GAB2: variants seen among roughly 807,000 people sequenced by gnomAD.
GAB2 encodes GRB2-associated-binding protein 2.
Under a neutral mutation model 65.5 loss-of-function variants are expected in GAB2, and 26 were observed. That is an observed-to-expected ratio of 0.40 (90% confidence interval 0.29 to 0.55). The LOEUF (loss-of-function observed/expected upper bound fraction) is 0.55, where lower values mean the gene tolerates loss of function less well. Among genes scored for constraint, GAB2 ranks in the 20% least tolerant of loss-of-function variants. GAB2 has a pLI of 0.53. For synonymous variants in GAB2, 321 were observed against 329.6 expected (o/e 0.97, Z 0.28); for missense variants, 884 against 875.8 (o/e 1.01, Z -0.12).
chr11:78,292,517 TCAAA>T (rs1199200807), intron 1 of GAB2, among the ~76,000 whole-genome samples: 1 of 152,188 alleles, frequency 6.6e-6, no homozygotes, highest in Non-Finnish European at 1.5e-5. Flanking sequence ...GAGTTCTAGC[TCAAA>T]CAAACACAAA....
chr11:78,394,205 G>A (rs1046324118), intron 1 of GAB2, among the ~76,000 whole-genome samples: 8 of 152,126 alleles, frequency 5.3e-5, no homozygotes, highest in East Asian at 3.9e-4. Context: ...GGAGAATGGC[G>A]TGAACCCAGG....
chr11:78,362,979 G>A (rs891761994), intron 1 of GAB2, among the ~76,000 whole-genome samples: 2 of 152,054 alleles, frequency 1.3e-5, no homozygotes, highest in Non-Finnish European at 2.9e-5. Context: ...AGCAAGAATT[G>A]CCATTACTAT....
At chr11:78,405,680 TAAG>T (rs1423042873) in intron 1 of GAB2, among the ~76,000 whole-genome samples, 2 of 152,162 alleles carry the variant, frequency 1.3e-5, no homozygotes, top group African/African-American at 4.8e-5. Context: ...AAAACAAGCT[TAAG>T]AAGAATCTAA....
intron 2 of GAB2, among the ~76,000 whole-genome samples, chr11:78,278,901 G>A (rs76904930): frequency 8.6e-5 from 13 of 151,858 alleles, no homozygotes; most frequent in Admixed American, 2.0e-4. Context: ...ATTTTTTATC[G>A]AAATAAAAAT....
chr11:78,383,610 T>TAAAAAAAAA (rs1591078402), intron 1 of GAB2, among the ~76,000 whole-genome samples: 1 of 116,894 alleles, frequency 8.6e-6, no homozygotes, highest in East Asian at 3.3e-4. Context: ...ATACAAAAAT[T>TAAAAAAAAA]AGCCAGGTGT....
rs1251434870 is a variant in GAB2, at chr11:78,221,686, A to G, written c.1752T>C (p.Tyr584=). 6.2e-7 allele frequency: 1 copy of G among 1,609,742 alleles called. No homozygotes were observed. The highest frequency in any genetic ancestry group is 8.5e-7 in the Non-Finnish European group (1 of 1,176,150). The change falls in exon 8 of 10, where the codon TAT becomes TAC. Residue 584 remains tyrosine (Y), a synonymous_variant. Transcript: ENST00000361507. ...AGCCCGAAGGACTCACCATAGGGAC[A>G]TAGTTCTCTTCGCTGTCTCCTGAGT... The part of the protein sequence containing the change: ...STDSGDSEEN[Y]VPMQNPVSAS...
At chr11:78,340,114 CTGA>C (rs1856068405) in intron 1 of GAB2, among the ~76,000 whole-genome samples, 1 of 152,180 alleles carries the variant, frequency 6.6e-6, no homozygotes. Flanking sequence ...GCTTACCAGA[CTGA>C]TGTCATTCTG....
At chr11:78,410,406 A>G (rs1857111958) in intron 1 of GAB2, among the ~76,000 whole-genome samples, 1 of 152,260 alleles carries the variant, frequency 6.6e-6, no homozygotes, top group Non-Finnish European at 1.5e-5. Flanking sequence ...CGGGAGGCTG[A>G]GGCAGGAGAA....
chr11:78,361,791 A>C (rs1424644398), intron 1 of GAB2, among the ~76,000 whole-genome samples: 1 of 152,198 alleles, frequency 6.6e-6, no homozygotes, highest in East Asian at 1.9e-4. Context: ...CTGGAGAGCA[A>C]TGTGGCAAAA....
chr11:78,382,179 C>T (rs2134739663), intron 1 of GAB2, among the ~76,000 whole-genome samples: 1 of 152,270 alleles, frequency 6.6e-6, no homozygotes, highest in East Asian at 1.9e-4. Context: ...TCTGTGCTCT[C>T]ATGGCACTTT....
chr11:78,294,723 T>G (rs1380573640), intron 1 of GAB2, among the ~76,000 whole-genome samples: 2 of 152,144 alleles, frequency 1.3e-5, no homozygotes, highest in Non-Finnish European at 2.9e-5. Context: ...CCTTACACCT[T>G]ATACAAAAAT....
chr11:78,224,531 C>A (rs1864564727), intron 5 of GAB2, among the ~76,000 whole-genome samples: 1 of 152,224 alleles, frequency 6.6e-6, no homozygotes, highest in Non-Finnish European at 1.5e-5. Flanking sequence ...CCCAGCCTTC[C>A]TCTAACTCTT....
chr11:78,236,420 G>A (rs1187035031), intron 3 of GAB2, among the ~76,000 whole-genome samples: 1 of 151,916 alleles, frequency 6.6e-6, no homozygotes, highest in African/African-American at 2.4e-5. Flanking sequence ...TAAAGTGCTG[G>A]GATTACAGGC....
intron 1 of GAB2, among the ~76,000 whole-genome samples, chr11:78,411,464 C>A (rs1857128111): frequency 6.6e-6 from 1 of 152,072 alleles, no homozygotes; most frequent in African/African-American, 2.4e-5. Flanking sequence ...TACAATATAG[C>A]TAGAGTTGGC....
At chr11:78,227,079 G>C (rs998767441) in intron 3 of GAB2, 28 bp from the exon 4 acceptor site, 4 of 1,467,142 alleles carry the variant, frequency 2.7e-6, no homozygotes, top group Non-Finnish European at 3.8e-6. Flanking sequence ...GAAAGGGCAG[G>C]AGGGTGAGAC....
At chr11:78,369,713 T>C (rs1363256225) in intron 1 of GAB2, among the ~76,000 whole-genome samples, 1 of 152,206 alleles carries the variant, frequency 6.6e-6, no homozygotes, top group Non-Finnish European at 1.5e-5. Context: ...AGCACATTTT[T>C]TAAGTAAATA....
chr11:78,370,620 C>T (rs1203673480), intron 1 of GAB2, among the ~76,000 whole-genome samples: 8 of 152,074 alleles, frequency 5.3e-5, no homozygotes, highest in Admixed American at 2.6e-4. Flanking sequence ...TCAACAAACC[C>T]GCTACGGCTT....
intron 1 of GAB2, among the ~76,000 whole-genome samples, chr11:78,388,701 C>T (rs562215075): frequency 2.2e-4 from 34 of 152,302 alleles, no homozygotes; most frequent in Non-Finnish European, 2.5e-4. Context: ...CAAATGTTCT[C>T]TACCAACCTT....
intron 1 of GAB2, among the ~76,000 whole-genome samples, chr11:78,359,851 A>C (rs1856409695): frequency 6.6e-6 from 1 of 152,214 alleles, no homozygotes; most frequent in Non-Finnish European, 1.5e-5. Context: ...CCCATGTCCT[A>C]ATCCCTGGAA....
Sources: allele counts gnomAD v4.1 joint callset (sites outside exome capture counted in the v4.1 genomes callset), GRCh38; gene constraint gnomAD v4.1.1; transcripts MANE v1.5; gene names NCBI Gene and HGNC (gene_info 2026-07-23, HGNC 2026-07-21).